STK4: variants seen among roughly 807,000 people sequenced by gnomAD.
STK4 encodes the protein serine/threonine kinase 4.
In STK4, 30 loss-of-function variants were observed where a neutral mutation model predicts 64.9. The ratio of observed to expected loss-of-function variants is 0.46; its 90% confidence interval spans 0.35 to 0.63. The LOEUF is 0.63. STK4 is among the 20% of genes least tolerant of loss of function. STK4 has a pLI of 0.01. For missense variants in STK4, 466 were observed against 598.5 expected (o/e 0.78, Z 2.31); for synonymous variants, 177 against 199.0 (o/e 0.89, Z 0.93).
At chr20:45,040,993 A>G (rs2068604626) in intron 10 of STK4, among the ~76,000 whole-genome samples, 1 of 152,186 alleles carries the variant, frequency 6.6e-6, no homozygotes, top group South Asian at 2.1e-4. Context: ...GAAAACAGTT[A>G]AAGATTTGTG....
At chr20:44,970,980 T>C (rs1225128058) in intron 1 of STK4, among the ~76,000 whole-genome samples, 4 of 151,592 alleles carry the variant, frequency 2.6e-5, no homozygotes, top group Non-Finnish European at 5.9e-5. Flanking sequence ...CCTTTTTTTT[T>C]CTACAAAGAG....
intron 9 of STK4, chr20:45,004,358 A>C (rs1160899261): frequency 6.6e-6 from 1 of 152,084 alleles, no homozygotes; most frequent in African/African-American, 2.4e-5. Context: ...GGCCTCCCCG[A>C]GTGCTGGGAT....
intron 9 of STK4, among the ~76,000 whole-genome samples, chr20:45,014,129 TA>T (rs1323158163): frequency 6.6e-6 from 1 of 152,050 alleles, no homozygotes; most frequent in Non-Finnish European, 1.5e-5. Context: ...TATTTAGAGC[TA>T]AAATGAAAAC....
chr20:45,022,173 TTAAC>T (rs1244775504), intron 9 of STK4, among the ~76,000 whole-genome samples: 1 of 152,240 alleles, frequency 6.6e-6, no homozygotes, highest in Non-Finnish European at 1.5e-5. Flanking sequence ...ATGTAACATT[TTAAC>T]TAATCATTTT....
intron 10 of STK4, among the ~76,000 whole-genome samples, chr20:45,036,568 T>C (rs952410453): frequency 6.6e-6 from 1 of 152,138 alleles, no homozygotes; most frequent in Non-Finnish European, 1.5e-5. Flanking sequence ...AGTGCTTCTT[T>C]TAAGAGAAGA....
chr20:45,031,040 T>TA (rs1024400065), intron 10 of STK4, among the ~76,000 whole-genome samples: 2 of 151,382 alleles, frequency 1.3e-5, no homozygotes, highest in Non-Finnish European at 2.9e-5. Flanking sequence ...ATTACAAAAA[T>TA]AAAAAAAAGA....
chr20:45,015,076 G>C (rs1282348700), intron 9 of STK4, among the ~76,000 whole-genome samples: 1 of 152,172 alleles, frequency 6.6e-6, no homozygotes, highest in African/African-American at 2.4e-5. Flanking sequence ...TTAAATTACT[G>C]AGATAGTATT....
At chr20:44,980,946 A>G (rs1212856011) in intron 3 of STK4, among the ~76,000 whole-genome samples, 1 of 151,790 alleles carries the variant, frequency 6.6e-6, no homozygotes, top group East Asian at 1.9e-4. Flanking sequence ...GGGATTACAG[A>G]TGTGAGCCAC....
intron 9 of STK4, among the ~76,000 whole-genome samples, chr20:45,022,533 A>AT (rs140810939): frequency 0.028 from 4,272 of 152,268 alleles, 184 homozygotes; most frequent in African/African-American, 0.092. Context: ...AGTGACAGAA[A>AT]TAGACAAATA....
chr20:45,011,708 C>CATATATATAT lies in STK4; in HGVS notation c.1147+10368_1147+10377dup, dbSNP rs749788988. On this transcript the variant is annotated intron_variant, in intron 9 of 10. Coordinates refer to ENST00000372806, the MANE Select transcript of STK4 (RefSeq NM_006282.5). ...TTTGAAAGTTCTTGTGTAGAACATA[C>CATATATATAT]ATATATATATATATATATATATTTT... Among the ~76,000 whole-genome samples the CATATATATAT allele has an allele frequency of 1.0e-4, 9 of 86,884 alleles. 1 individual carries two copies. The highest frequency in any genetic ancestry group is 4.5e-4 in the African/African-American group (9 of 19,806). 57.0% of individuals were successfully genotyped at this position (86,884 alleles called of 152,430 possible).
At chr20:45,058,922 T>TTAC (rs1978738832) in intron 10 of STK4, among the ~76,000 whole-genome samples, 1 of 152,212 alleles carries the variant, frequency 6.6e-6, no homozygotes, top group Non-Finnish European at 1.5e-5. Flanking sequence ...GGAGGTGTAA[T>TTAC]GGGTGTTTAC....
At chr20:45,011,828 A>C (rs1360769924) in intron 9 of STK4, among the ~76,000 whole-genome samples, 1 of 149,376 alleles carries the variant, frequency 6.7e-6, no homozygotes, top group African/African-American at 2.5e-5. Flanking sequence ...GATATAGATC[A>C]GGAATTTGTT....
intron 10 of STK4, among the ~76,000 whole-genome samples, chr20:45,045,913 T>A (rs2068687335): frequency 6.6e-6 from 1 of 152,058 alleles, no homozygotes; most frequent in African/African-American, 2.4e-5. Flanking sequence ...TTCAAATGAT[T>A]CTCCTGCCTC....
intron 4 of STK4, among the ~76,000 whole-genome samples, chr20:44,985,193 A>T (rs560725962): frequency 6.6e-6 from 1 of 152,308 alleles, no homozygotes; most frequent in South Asian, 2.1e-4. Flanking sequence ...CTTTTGGCAT[A>T]AATGACTTAA....
At chr20:45,034,013 CTTACT>C (rs2068487707) in intron 10 of STK4, among the ~76,000 whole-genome samples, 1 of 151,934 alleles carries the variant, frequency 6.6e-6, no homozygotes, top group African/African-American at 2.4e-5. Flanking sequence ...ATTCTTAAAT[CTTACT>C]TTAAAGATAA....
At chr20:45,012,858 A>G (rs1409197548) in intron 9 of STK4, among the ~76,000 whole-genome samples, 1 of 137,302 alleles carries the variant, frequency 7.3e-6, no homozygotes, top group African/African-American at 2.8e-5. Flanking sequence ...ATCCTAGCTC[A>G]CTGCAGCCTT....
intron 10 of STK4, among the ~76,000 whole-genome samples, chr20:45,065,766 C>G (rs1255385934): frequency 4.0e-5 from 6 of 151,874 alleles, no homozygotes; most frequent in Admixed American, 3.9e-4. Flanking sequence ...TTTTATTAGT[C>G]TAGCTAGTGG....
At chr20:45,042,164 A>G (rs1265836059) in intron 10 of STK4, among the ~76,000 whole-genome samples, 3 of 152,156 alleles carry the variant, frequency 2.0e-5, no homozygotes, top group African/African-American at 7.2e-5. Flanking sequence ...TCCTGGATCT[A>G]TAGCCACGCT....
intron 10 of STK4, 83 bp downstream of exon 10, chr20:45,025,213 G>T: frequency 6.7e-7 from 1 of 1,493,472 alleles, no homozygotes; most frequent in Non-Finnish European, 9.0e-7. Context: ...GCATTTTCTT[G>T]TGCATTTTGA....
Sources: allele counts gnomAD v4.1 joint callset (sites outside exome capture counted in the v4.1 genomes callset), GRCh38; gene constraint gnomAD v4.1.1; transcripts MANE v1.5; gene names NCBI Gene and HGNC (gene_info 2026-07-23, HGNC 2026-07-21).